The following CEP192 variants were observed in gnomAD, a reference collection of about 807,000 sequenced individuals.
CEP192 encodes centrosomal protein 192, also known as centrosomal protein of 192 kDa.
In CEP192, 151 loss-of-function variants were observed where a neutral mutation model predicts 271.8. That is an observed-to-expected ratio of 0.56 (90% CI 0.49 to 0.64). The LOEUF (loss-of-function observed/expected upper bound fraction) is 0.64. Ranked by LOEUF, CEP192 falls within the 30% of genes least tolerant of loss-of-function variation. CEP192 has a pLI of 0.00. For missense variants in CEP192, 2,910 were observed against 3,020.5 expected (o/e 0.96, Z 0.86); for synonymous variants, 995 against 1,076.5 (o/e 0.92, Z 1.48).
At chr18:13,094,816 C>CT (rs2039312288) in intron 34 of CEP192, among the ~76,000 whole-genome samples, 2 of 132,506 alleles carry the variant, frequency 1.5e-5, no homozygotes, top group African/African-American at 3.1e-5. Context: ...CAATTCTAAT[C>CT]TAACACCACA....
chr18:13,113,771 A>C, intron 41 of CEP192, 66 bp downstream of exon 41: 1 of 1,452,408 alleles, frequency 6.9e-7, no homozygotes, highest in Non-Finnish European at 9.3e-7. Flanking sequence ...GGAAATTAAT[A>C]AGAAAAGTTG....
chr18:13,071,037 A>G lies in CEP192; in HGVS notation c.5175-2A>G. ...TTCAACTTAGAATTCTTTCTTTCTT[A>G]GGATCTTGAAAATATTTGTGCAGCC... On this transcript the variant is annotated splice_acceptor_variant, in intron 27 of 44. Transcript: ENST00000506447. LOFTEE classifies it high-confidence loss of function. 2.5e-6 allele frequency: 4 copies of G among 1,610,776 alleles called. No homozygotes were observed. The highest frequency in any genetic ancestry group is 2.5e-6 in the Non-Finnish European group (3 of 1,178,174).
chr18:13,057,587 A>C lies in CEP192; in HGVS notation c.4111A>C (p.Ser1371Arg). The C allele has an allele frequency of 6.2e-7, 1 of 1,613,808 alleles. No homozygotes were observed. Among genetic ancestry groups the C allele is most frequent in the South Asian group, 1.1e-5 (1 of 91,060 alleles). ...WDSGVTSGLG[S>R]VRVPEELKLP... ...GACTGTGCCTTATTCTCACCCAGGG[A>C]GTGTCCGAGTGCCCGAGGAGTTGAA... The change falls in exon 20 of 45, where the codon AGT becomes CGT. Residue 1371 changes from serine (S) to arginine (R), a missense_variant and splice_region_variant. By Grantham distance (110) the Ser-to-Arg change is moderately radical (BLOSUM62 -1). Coordinates refer to ENST00000506447, the MANE Select transcript of CEP192 (RefSeq NM_032142.4).
chr18:13,027,564 C>A (rs1004573834), intron 9 of CEP192, among the ~76,000 whole-genome samples: 4 of 152,104 alleles, frequency 2.6e-5, no homozygotes, highest in African/African-American at 9.7e-5. Context: ...CCTGTCTCTC[C>A]AGTTTTAGAG....
At chr18:13,099,844 C>A (rs1032099536) in intron 37 of CEP192, among the ~76,000 whole-genome samples, 1 of 152,184 alleles carries the variant, frequency 6.6e-6, no homozygotes, top group South Asian at 2.1e-4. Flanking sequence ...TAGAGATGAT[C>A]TAAAGTGTAT....
chr18:13,119,856 C>T (rs2040586174), intron 44 of CEP192, among the ~76,000 whole-genome samples: 1 of 152,140 alleles, frequency 6.6e-6, no homozygotes, highest in South Asian at 2.1e-4. Flanking sequence ...TTTACCTATA[C>T]CTCATCCTCA....
chr18:13,011,644 G>A (rs1465638644), intron 4 of CEP192, among the ~76,000 whole-genome samples: 2 of 152,104 alleles, frequency 1.3e-5, no homozygotes, highest in African/African-American at 4.8e-5. Flanking sequence ...AGCCTCGCAA[G>A]TAGCTGGGAT....
intron 39 of CEP192, chr18:13,104,115 G>C (rs1054022766): frequency 2.6e-5 from 8 of 309,942 alleles, no homozygotes; most frequent in Admixed American, 4.7e-5. Context: ...GGAAATACAT[G>C]TTTGCTCCAT....
intron 30 of CEP192, among the ~76,000 whole-genome samples, chr18:13,075,255 A>C (rs1013498799): frequency 6.6e-6 from 1 of 152,218 alleles, no homozygotes; most frequent in Admixed American, 6.5e-5. Flanking sequence ...GCAGGATTCA[A>C]GGTGAGATCT....
In CEP192 at chr18:13,095,596, G is replaced by A. The variant is rs754119471; in HGVS notation, c.6348G>A (p.Ala2116=). 1.7e-5 allele frequency: 28 copies of A among 1,614,018 alleles called. No individual in the cohort carries two copies. Among genetic ancestry groups the A allele is most frequent in the Middle Eastern group, 1.6e-4 (1 of 6,084 alleles). Residue 2116 remains alanine (A), a synonymous_variant, in exon 35 of 45, where the codon GCG becomes GCA. Transcript: ENST00000506447. ...GPQGSPLLSR[A]ARPPLDQLAS... is the part of the protein sequence containing the mutation. Reference sequence around the variant, plus strand: ...AGGGTTCTCCTCTTCTCTCACGGGCGGCTCGCCCGCCTCTGGATCAGCTGG... The same window carrying A: ...AGGGTTCTCCTCTTCTCTCACGGGCAGCTCGCCCGCCTCTGGATCAGCTGG...
rs757567518 is a variant in CEP192, at chr18:13,069,816, G to T, written c.5134G>T (p.Val1712Phe). The change falls in exon 27 of 45, where the codon GTT (valine) becomes TTT (phenylalanine). Residue 1712 changes from valine (V) to phenylalanine (F), a missense_variant. Physicochemically the swap from Val to Phe is conservative, Grantham distance 50. Coordinates refer to ENST00000506447, the MANE Select transcript of CEP192 (RefSeq NM_032142.4). ...LKPGEEHEVIVSFTPKDPEAC... is the reference protein window; with the variant it reads ...LKPGEEHEVIFSFTPKDPEAC... ...ACCTGGAGAAGAACATGAGGTTATT[G>T]TTTCATTTACTCCAAAGGATCCTGA... The T allele has an allele frequency of 6.2e-7, 1 of 1,603,870 alleles. No homozygotes were observed. The highest frequency in any genetic ancestry group is 2.2e-5 in the East Asian group (1 of 44,784).
chr18:13,081,655 TC>T, intron 30 of CEP192, among the ~76,000 whole-genome samples: 1 of 152,222 alleles, frequency 6.6e-6, no homozygotes, highest in Non-Finnish European at 1.5e-5. Flanking sequence ...GCTCTGATCT[TC>T]AGTATTTCTT....
At chr18:13,026,177 A>T (rs2035290284) in intron 9 of CEP192, among the ~76,000 whole-genome samples, 1 of 152,186 alleles carries the variant, frequency 6.6e-6, no homozygotes, top group Admixed American at 6.5e-5. Flanking sequence ...AAAGTAGTTT[A>T]CTTCACTGCC....
At chr18:13,117,050 C>T (rs1376277545) in intron 43 of CEP192, among the ~76,000 whole-genome samples, 2 of 145,856 alleles carry the variant, frequency 1.4e-5, no homozygotes. Context: ...AGTGAGACTC[C>T]ATCTCTACCA....
intron 9 of CEP192, among the ~76,000 whole-genome samples, chr18:13,029,035 G>A (rs1005779627): frequency 4.1e-4 from 63 of 152,176 alleles, no homozygotes; most frequent in African/African-American, 1.4e-3. Flanking sequence ...AGTTTCATTG[G>A]CATGTGATAC....
Position 13,075,825 on chromosome 18 carries a change from A to G in CEP192, c.5616+2640A>G, listed in dbSNP as rs572183945. On this transcript the variant is annotated intron_variant, in intron 30 of 44. Coordinates refer to ENST00000506447, the MANE Select transcript of CEP192 (RefSeq NM_032142.4). ...GAGAGATACGTGGCCGTGATCGTGCATCTTACTTGCTGGTCAGTGGTAGAC... is the reference window on the plus strand; with the variant it reads ...GAGAGATACGTGGCCGTGATCGTGCGTCTTACTTGCTGGTCAGTGGTAGAC... 2.0e-5 allele frequency among the ~76,000 whole-genome samples: 3 copies of G among 152,124 alleles called. No homozygotes were observed. In the South Asian group the frequency reaches 6.2e-4, roughly 32 times the overall value.
Position 13,049,358 on chromosome 18 carries a change from A to C in CEP192, c.2567A>C (p.Glu856Ala), listed in dbSNP as rs1385658010. ...YVENGESENQ[E>A]SFRTINSSNS... Reference sequence around the variant, plus strand: ...GAAAATGGAGAGAGTGAGAATCAAGAGTCATTTAGAACCATAAACTCCTCA... The same window carrying C: ...GAAAATGGAGAGAGTGAGAATCAAGCGTCATTTAGAACCATAAACTCCTCA... Residue 856 changes from glutamate to alanine, a missense_variant, in exon 16 of 45, where the codon GAG becomes GCG. Coordinates refer to ENST00000506447, the MANE Select transcript of CEP192 (RefSeq NM_032142.4). The C allele has an allele frequency of 1.6e-5, 26 of 1,614,014 alleles. No homozygotes were observed. Among genetic ancestry groups the C allele is most frequent in the Non-Finnish European group, 6.8e-6 (8 of 1,179,990 alleles).
chr18:13,093,263 C>T (rs2039237149), intron 34 of CEP192, among the ~76,000 whole-genome samples: 1 of 152,212 alleles, frequency 6.6e-6, no homozygotes, highest in African/African-American at 2.4e-5. Context: ...CCACAGGTTC[C>T]ATCCACATGT....
rs1251389575 is a variant in CEP192, at chr18:13,087,237, T to C, written c.5837T>C (p.Ile1946Thr). Residue 1946 changes from isoleucine to threonine, a missense_variant, in exon 31 of 45, where the codon ATT (isoleucine) becomes ACT (threonine). Coordinates refer to ENST00000506447, the MANE Select transcript of CEP192 (RefSeq NM_032142.4). ...KVLLDPKVLRIFPDKFVLKER... is the reference protein window; with the variant it reads ...KVLLDPKVLRTFPDKFVLKER... ...TTGCTGGATCCTAAAGTATTGAGGA[T>C]TTTTCCAGATAAATTTGTACTCAAG... 6.2e-7 allele frequency: 1 copy of C among 1,610,194 alleles called. No individual in the cohort carries two copies. Among genetic ancestry groups the C allele is most frequent in the Non-Finnish European group, 8.5e-7 (1 of 1,176,872 alleles).
Sources: gnomAD v4.1 joint callset for allele counts (sites outside exome capture counted in the v4.1 genomes callset) on GRCh38, gnomAD v4.1.1 for gene constraint, MANE v1.5 for transcripts, NCBI Gene and HGNC (gene_info 2026-07-23, HGNC 2026-07-21) for gene names.